The following MED21 variants were observed in gnomAD, a reference collection of about 807,000 sequenced individuals.
The protein encoded by MED21 is mediator complex subunit 21, also known as mediator of RNA polymerase II transcription subunit 21.
In MED21, 9 loss-of-function variants were observed where a neutral mutation model predicts 18.2. That is an observed-to-expected ratio of 0.49 (90% CI 0.30 to 0.86). MED21 has a LOEUF of 0.86. MED21 is among the 40% of genes least tolerant of loss of function. MED21 has a pLI of 0.07. For missense variants in MED21, 150 were observed against 170.9 expected (o/e 0.88, Z 0.68); for synonymous variants, 73 against 60.5 (o/e 1.21, Z -0.96).
In MED21 at chr12:27,029,081, G is replaced by C; in HGVS notation, c.*620G>C. The C allele has an allele frequency of 1.0e-6, 1 of 985,296 alleles. No individual in the cohort carries two copies. The allele number at this position is 985,296 out of a possible 1,614,324, so 61.0% of individuals were successfully genotyped here. A position where few individuals can be genotyped will look rare whatever the true frequency, so the allele number is the denominator to read the frequency against. On this transcript the variant is annotated 3_prime_UTR_variant, in exon 4 of 4. Coordinates refer to ENST00000282892, the MANE Select transcript of MED21 (RefSeq NM_004264.5). The stretch of plus-strand genomic sequence containing the variant: ...AGATCCTCTGTCAAGAGAATTTCCT[G>C]GCTGTTGTGAAAGAATTTTTCTACA...
Position 27,022,601 on chromosome 12 carries a change from C to G in MED21, c.22C>G (p.Leu8Val). ...GAACATGGCGGATCGGCTCACGCAG[C>G]TTCAGGACGCTGTGAATTCGGTGAG... MADRLTQ[L>V]QDAVNSLADQ... The change falls in exon 1 of 4, where the codon CTT becomes GTT. Residue 8 changes from leucine (L) to valine (V), a missense_variant. Physicochemically the swap from Leu to Val is conservative, Grantham distance 32. Transcript: ENST00000282892. The G allele has an allele frequency of 6.3e-7, 1 of 1,587,124 alleles. No individual in the cohort carries two copies.
chr12:27,034,026 G>C (rs979328976), downstream of MED21, among the ~76,000 whole-genome samples: 1 of 152,116 alleles, frequency 6.6e-6, no homozygotes, highest in Non-Finnish European at 1.5e-5. Flanking sequence ...TTCAAAAAGA[G>C]TATGGCTGAA....
In MED21 at chr12:27,028,868, G is replaced by T; in HGVS notation, c.*407G>T. On this transcript the variant is annotated 3_prime_UTR_variant, in exon 4 of 4. Coordinates refer to ENST00000282892, the MANE Select transcript of MED21 (RefSeq NM_004264.5). ...AGACATAAGGGACATTTTAGTTTGG[G>T]CTAGTGTCCTGCCTCTTAGAGGTGG... The T allele has an allele frequency of 1.0e-6, 1 of 986,932 alleles. No individual in the cohort carries two copies. Among genetic ancestry groups the T allele is most frequent in the Non-Finnish European group, 1.2e-6 (1 of 830,862 alleles). 61.1% of individuals were successfully genotyped at this position (986,932 alleles called of 1,614,324 possible).
downstream of MED21, among the ~76,000 whole-genome samples, chr12:27,033,632 A>G (rs1346546156): frequency 2.0e-5 from 3 of 152,210 alleles, no homozygotes; most frequent in Admixed American, 1.3e-4. Flanking sequence ...TTGGGGCAAA[A>G]AGAGCAGAGG....
In MED21 at chr12:27,022,829, G is replaced by A. The variant is rs552783972; in HGVS notation, c.42+208G>A. ...GTGCTTGAAGGTGCGGGAGGGAGCA[G>A]ACTCTTTCGCTTGAGGAGACCGGGA... On this transcript the variant is annotated intron_variant, in intron 1 of 3. Transcript: ENST00000282892. The A allele has an allele frequency of 1.7e-5, 25 of 1,489,364 alleles. 1 individual carries two copies. In the South Asian group the frequency reaches 2.8e-4, roughly 17 times the overall value. The allele number at this position is 1,489,364 out of a possible 1,614,324, so 92.3% of individuals were successfully genotyped here. A position where few individuals can be genotyped will look rare whatever the true frequency, so the allele number is the denominator to read the frequency against.
chr12:27,033,073 G>A (rs116549973), downstream of MED21, among the ~76,000 whole-genome samples: 1,694 of 152,252 alleles, frequency 0.011, 33 homozygotes, highest in African/African-American at 0.038. Context: ...TGAGATGCTT[G>A]CAGATCTTAC....
rs1409894465 is a variant in MED21 at position 27,029,587 on chromosome 12, G to T, written c.*1126G>T. On this transcript the variant is annotated 3_prime_UTR_variant, in exon 4 of 4. Transcript: ENST00000282892. ...GAACACTCTGCCTGTTATTTTTGTT[G>T]TAATCAAGCTTTTCCACAGTTCTTG... 6.1e-6 allele frequency: 6 copies of T among 985,288 alleles called. No homozygotes were observed. In the South Asian group the frequency reaches 1.4e-4, roughly 23 times the overall value. 61.0% of individuals were successfully genotyped at this position (985,288 alleles called of 1,614,324 possible).
chr12:27,028,552 TAC>T lies in MED21; in HGVS notation c.*93_*94del, dbSNP rs1157105960. 4.7e-6 allele frequency: 7 copies of T among 1,475,644 alleles called. No individual in the cohort carries two copies. The highest frequency in any genetic ancestry group is 6.3e-6 in the Non-Finnish European group (7 of 1,108,372). 91.4% of individuals were successfully genotyped at this position (1,475,644 alleles called of 1,614,324 possible). ...CTTAGATACAAGCCTTACCAACAAT[TAC>T]AGAAACATTAAACACTATGACACAT... On this transcript the variant is annotated 3_prime_UTR_variant, in exon 4 of 4. Coordinates refer to ENST00000282892, the MANE Select transcript of MED21 (RefSeq NM_004264.5).
chr12:27,030,294 T>A lies in MED21; in HGVS notation c.*1833T>A, dbSNP rs1279784824. On this transcript the variant is annotated 3_prime_UTR_variant, in exon 4 of 4. Transcript: ENST00000282892. ...ACAGGCATGTACTACCACGTCCAGCTAATTTTTTTTTTCTTTTTTTTTTAG... is the reference window on the plus strand; with the variant it reads ...ACAGGCATGTACTACCACGTCCAGCAAATTTTTTTTTTCTTTTTTTTTTAG... 1.0e-5 allele frequency: 5 copies of A among 501,364 alleles called. No homozygotes were observed. In the East Asian group the frequency reaches 1.5e-4, roughly 15 times the overall value. The allele number at this position is 501,364 out of a possible 1,614,324, so 31.1% of individuals were successfully genotyped here.
chr12:27,023,512 G>T (rs1160868485), intron 1 of MED21, among the ~76,000 whole-genome samples: 1 of 151,866 alleles, frequency 6.6e-6, no homozygotes, highest in Non-Finnish European at 1.5e-5. Context: ...GTCCAGGCTG[G>T]TCTCAAACTC....
At chr12:27,033,521 A>G (rs562372498), downstream of MED21, among the ~76,000 whole-genome samples, 3 of 152,340 alleles carry the variant, frequency 2.0e-5, no homozygotes, top group African/African-American at 4.8e-5. Context: ...AAATAGAGTC[A>G]TTCTATACCT....
Position 27,026,434 on chromosome 12 carries a change from T to G in MED21, c.57T>G (p.Phe19Leu). ...QDAVNSLADQ[F>L]CNAIGVLQQC... ...TTTGGCCTAAGCTTGCAGATCAGTTTTGTAATGCCATTGGAGTATTGCAGC... is the reference window on the plus strand; with the variant it reads ...TTTGGCCTAAGCTTGCAGATCAGTTGTGTAATGCCATTGGAGTATTGCAGC... The change falls in exon 2 of 4, where the codon TTT becomes TTG. Residue 19 changes from phenylalanine to leucine, a missense_variant. Phe to Leu is a conservative substitution (Grantham distance 22, BLOSUM62 0). Transcript: ENST00000282892. The G allele has an allele frequency of 6.2e-7, 1 of 1,612,888 alleles. No individual in the cohort carries two copies. The highest frequency in any genetic ancestry group is 8.5e-7 in the Non-Finnish European group (1 of 1,179,210).
chr12:27,029,863 G>A lies in MED21; in HGVS notation c.*1402G>A. 1 of 1,003,494 alleles carries A rather than the reference G, an allele frequency of 1.0e-6. No homozygotes were observed. Among genetic ancestry groups the A allele is most frequent in the Non-Finnish European group, 1.2e-6 (1 of 831,220 alleles). 62.2% of individuals were successfully genotyped at this position (1,003,494 alleles called of 1,614,324 possible). A position where few individuals can be genotyped will look rare whatever the true frequency, so the allele number is the denominator to read the frequency against. On this transcript the variant is annotated 3_prime_UTR_variant, in exon 4 of 4. Transcript: ENST00000282892. Reference sequence around the variant, plus strand: ...TAAAGGAGTCAAAAAGGTACAAAGAGAAAAGGTCAAGACATTTTTCAAATG... The same window carrying A: ...TAAAGGAGTCAAAAAGGTACAAAGAAAAAAGGTCAAGACATTTTTCAAATG...
At chr12:27,036,452 A>G (rs1229331011) in intron 2 of MED21, among the ~76,000 whole-genome samples, 1 of 152,114 alleles carries the variant, frequency 6.6e-6, no homozygotes, top group East Asian at 1.9e-4. Context: ...ATTAGATCCC[A>G]TTTGTCAATT....
At chr12:27,034,978 T>A (rs1457810008), downstream of MED21, among the ~76,000 whole-genome samples, 1 of 152,188 alleles carries the variant, frequency 6.6e-6, no homozygotes, top group Non-Finnish European at 1.5e-5. Context: ...CTTGAATTCC[T>A]GACCTTAGGT....
chr12:27,037,919 A>G (rs753977400), intron 2 of MED21: 6 of 152,238 alleles, frequency 3.9e-5, no homozygotes, highest in Admixed American at 1.3e-4. Flanking sequence ...TTCAAAATCC[A>G]TTTATGAAAA....
At chr12:27,036,240 T>A (rs1941648797) in intron 2 of MED21, among the ~76,000 whole-genome samples, 1 of 152,198 alleles carries the variant, frequency 6.6e-6, no homozygotes, top group East Asian at 1.9e-4. Flanking sequence ...TGTCTTCTTT[T>A]GAGAAGTGTC....
In MED21 at chr12:27,029,693, T is replaced by G; in HGVS notation, c.*1232T>G. The G allele has an allele frequency of 2.0e-6, 2 of 985,384 alleles. No homozygotes were observed. The highest frequency in any genetic ancestry group is 2.4e-6 in the Non-Finnish European group (2 of 829,898). 61.0% of individuals were successfully genotyped at this position (985,384 alleles called of 1,614,324 possible). ...CAATTTATTGGCTAGTCATAGAAAA[T>G]TTTTGAACTTTTAACTGTATTTTAA... On this transcript the variant is annotated 3_prime_UTR_variant, in exon 4 of 4. Coordinates refer to ENST00000282892, the MANE Select transcript of MED21 (RefSeq NM_004264.5).
At chr12:27,025,414 C>G (rs1199852425) in intron 1 of MED21, among the ~76,000 whole-genome samples, 1 of 152,162 alleles carries the variant, frequency 6.6e-6, no homozygotes, top group Non-Finnish European at 1.5e-5. Flanking sequence ...GGAGATTTAT[C>G]TTGAAGACAG....
Sources: allele counts gnomAD v4.1 joint callset (sites outside exome capture counted in the v4.1 genomes callset), GRCh38; gene constraint gnomAD v4.1.1; transcripts MANE v1.5; gene names NCBI Gene and HGNC (gene_info 2026-07-23, HGNC 2026-07-21).